The following DNAJC11 variants were observed in gnomAD, a reference collection of about 807,000 sequenced individuals.
The protein encoded by DNAJC11 is DnaJ heat shock protein family (Hsp40) member C11.
Under a neutral mutation model 78.6 loss-of-function variants are expected in DNAJC11, and 15 were observed. The observed-to-expected ratio is 0.19, with a 90% CI of 0.13 to 0.29. The LOEUF (loss-of-function observed/expected upper bound fraction) is 0.29, where lower values mean the gene tolerates loss of function less well. DNAJC11 is among the 10% of genes least tolerant of loss of function. The probability of loss-of-function intolerance (pLI) is 1.00; values close to 1 mark genes in which losing one functional copy is unlikely to be tolerated. For missense variants in DNAJC11, 547 were observed against 709.6 expected (o/e 0.77, Z 2.60); for synonymous variants, 292 against 272.1 (o/e 1.07, Z -0.72).
intron 4 of DNAJC11, among the ~76,000 whole-genome samples, chr1:6,657,402 C>T (rs1642142827): frequency 6.6e-6 from 1 of 152,224 alleles, no homozygotes; most frequent in South Asian, 2.1e-4. Context: ...CCACTGCTGA[C>T]ATGCAGACCA....
intron 4 of DNAJC11, chr1:6,654,375 C>T (rs1642098690): frequency 5.7e-6 from 1 of 174,746 alleles, no homozygotes. Flanking sequence ...AAACAGGACC[C>T]AAGAATGCAC....
chr1:6,635,639 T>C lies in DNAJC11; in HGVS notation c.*36A>G. ...AATTTGTAGACTCCCAGGAAAAGAT[T>C]TTTTGCGGCCTTTTAAAAATCTGGT... On this transcript the variant is annotated 3_prime_UTR_variant, in exon 16 of 16. Coordinates refer to ENST00000377577, the MANE Select transcript of DNAJC11 (RefSeq NM_018198.4). 6.2e-7 allele frequency: 1 copy of C among 1,612,230 alleles called. No homozygotes were observed. The highest frequency in any genetic ancestry group is 8.5e-7 in the Non-Finnish European group (1 of 1,179,166).
At chr1:6,655,249 C>A (rs964609040) in intron 4 of DNAJC11, among the ~76,000 whole-genome samples, 1 of 152,056 alleles carries the variant, frequency 6.6e-6, no homozygotes, top group Non-Finnish European at 1.5e-5. Flanking sequence ...TTTGTTTTTG[C>A]GGTGATATTC....
chr1:6,701,316 G>C (rs1642923884), intron 1 of DNAJC11, among the ~76,000 whole-genome samples: 1 of 152,190 alleles, frequency 6.6e-6, no homozygotes, highest in African/African-American at 2.4e-5. Context: ...GTGAGACTCA[G>C]TTCGCCATCC....
Position 6,654,042 on chromosome 1 carries a change from G to A in DNAJC11, c.379-3C>T. The A allele has an allele frequency of 6.2e-7, 1 of 1,611,892 alleles. No individual in the cohort carries two copies. Among genetic ancestry groups the A allele is most frequent in the Non-Finnish European group, 8.5e-7 (1 of 1,178,366 alleles). On this transcript the variant is annotated splice_polypyrimidine_tract_variant and splice_region_variant and intron_variant, in intron 4 of 15. Coordinates refer to ENST00000377577, the MANE Select transcript of DNAJC11 (RefSeq NM_018198.4). Reference sequence around the variant, plus strand: ...TCTACTCCAACGCTGATCGTTCCCTGGGGCAGAAAAACAAGCCGTCAGCAG... The same window carrying A: ...TCTACTCCAACGCTGATCGTTCCCTAGGGCAGAAAAACAAGCCGTCAGCAG...
rs1557461906 is a variant in DNAJC11 at position 6,635,109 on chromosome 1, C to T, written c.*566G>A. The T allele has an allele frequency of 5.7e-6, 1 of 175,302 alleles. No individual in the cohort carries two copies. Among genetic ancestry groups the T allele is most frequent in the East Asian group, 1.5e-4 (1 of 6,860 alleles). 10.9% of individuals were successfully genotyped at this position (175,302 alleles called of 1,614,324 possible). A position where few individuals can be genotyped will look rare whatever the true frequency, so the allele number is the denominator to read the frequency against. On this transcript the variant is annotated 3_prime_UTR_variant, in exon 16 of 16. Transcript: ENST00000377577. ...GGAAAAAAGACGACTAATTTCCAAACCCGTTTGTTCTCAGATAAAAAGCAG... is the reference window on the plus strand; with the variant it reads ...GGAAAAAAGACGACTAATTTCCAAATCCGTTTGTTCTCAGATAAAAAGCAG...
chr1:6,638,229 C>A, intron 12 of DNAJC11, 66 bp downstream of exon 12: 1 of 1,513,488 alleles, frequency 6.6e-7, no homozygotes, highest in East Asian at 2.4e-5. Context: ...GGCCCTGAGA[C>A]CAACATGTGG....
At chr1:6,650,795 C>T (rs1026591511) in intron 7 of DNAJC11, among the ~76,000 whole-genome samples, 4 of 152,138 alleles carry the variant, frequency 2.6e-5, no homozygotes, top group East Asian at 1.9e-4. Flanking sequence ...ATAGCTTGAA[C>T]CCAGGAGGCA....
chr1:6,697,673 A>G (rs1642859233), intron 1 of DNAJC11, among the ~76,000 whole-genome samples: 2 of 152,196 alleles, frequency 1.3e-5, no homozygotes, highest in African/African-American at 4.8e-5. Context: ...GTCCATGGCC[A>G]GGGGGTTGAG....
rs1159510456 is a variant in DNAJC11 at position 6,653,628 on chromosome 1, C to A, written c.507+283G>T. Reference sequence around the variant, plus strand: ...TGCTTTCTCTCCCAGAACCCCATGACCTTGGGCCTCTACTTCTCCCAGACC... The same window carrying A: ...TGCTTTCTCTCCCAGAACCCCATGAACTTGGGCCTCTACTTCTCCCAGACC... On this transcript the variant is annotated intron_variant, in intron 5 of 15. Transcript: ENST00000377577. This position sits in a 1 kb window ranked among gnomAD's most constrained non-coding sequence, Gnocchi z 4.5. Among the ~76,000 whole-genome samples, 1 of 152,172 alleles carries A rather than the reference C, an allele frequency of 6.6e-6. No individual in the cohort carries two copies. The highest frequency in any genetic ancestry group is 1.9e-4 in the East Asian group (1 of 5,200).
intron 3 of DNAJC11, among the ~76,000 whole-genome samples, chr1:6,671,229 T>C (rs1457910658): frequency 6.6e-6 from 1 of 152,194 alleles, no homozygotes; most frequent in African/African-American, 2.4e-5. Context: ...ATTTATTTAT[T>C]TGAGACAGAG....
chr1:6,656,345 G>A (rs542742696), intron 4 of DNAJC11, among the ~76,000 whole-genome samples: 5 of 151,866 alleles, frequency 3.3e-5, no homozygotes, highest in Middle Eastern at 3.4e-3. Context: ...GAATGAAATG[G>A]AATTGAAAAG....
In DNAJC11 at chr1:6,667,810, C is replaced by T. The variant is rs1362999671; in HGVS notation, c.277G>A (p.Val93Ile). The T allele has an allele frequency of 9.3e-6, 15 of 1,613,596 alleles. No homozygotes were observed. Among genetic ancestry groups the T allele is most frequent in the African/African-American group, 1.3e-5 (1 of 75,036 alleles). The part of the protein sequence containing the change: ...KRGLEMEGWE[V>I]VERRRTPAEI... ...GCAGGGGTTCTCCTCCTTTCCACAA[C>T]CTATGCACAGAATCAAGATGGGAAG... Residue 93 changes from valine to isoleucine, a missense_variant and splice_region_variant, in exon 4 of 16, where the codon GTT (valine) becomes ATT (isoleucine). Val to Ile is a conservative substitution (Grantham distance 29, BLOSUM62 3). Coordinates refer to ENST00000377577, the MANE Select transcript of DNAJC11 (RefSeq NM_018198.4).
At chr1:6,701,688 G>C in intron 1 of DNAJC11, 41 bp downstream of exon 1, 2 of 1,499,658 alleles carry the variant, frequency 1.3e-6, no homozygotes, top group Non-Finnish European at 1.8e-6. Flanking sequence ...GAACGACCGG[G>C]CTCGGCCTCA....
At chr1:6,682,384 C>G (rs1642568338) in intron 1 of DNAJC11, among the ~76,000 whole-genome samples, 1 of 152,014 alleles carries the variant, frequency 6.6e-6, no homozygotes. Context: ...ATCAGGGGTT[C>G]TAAACAAGGA....
chr1:6,670,103 G>A (rs916339359), intron 3 of DNAJC11, among the ~76,000 whole-genome samples: 3 of 151,934 alleles, frequency 2.0e-5, no homozygotes, highest in Admixed American at 6.6e-5. Context: ...ACAGGTGTGC[G>A]GCACCACGCC....
chr1:6,648,471 T>C (rs1056784553), intron 7 of DNAJC11, among the ~76,000 whole-genome samples: 2 of 151,908 alleles, frequency 1.3e-5, no homozygotes, highest in African/African-American at 4.8e-5. Context: ...TTCTTTTTTC[T>C]TTTGAGAGAG....
intron 12 of DNAJC11, chr1:6,637,878 C>G (rs934331610): frequency 9.6e-6 from 4 of 415,766 alleles, no homozygotes; most frequent in Admixed American, 4.0e-5. Flanking sequence ...CCCAGCTCCT[C>G]TTGAGAAAGG....
intron 2 of DNAJC11, among the ~76,000 whole-genome samples, chr1:6,678,965 A>G (rs192748191): frequency 1.1e-4 from 16 of 152,284 alleles, no homozygotes; most frequent in African/African-American, 3.6e-4. Context: ...GGATATGTTT[A>G]AAGGCGGCTA....
Sources: allele counts gnomAD v4.1 joint callset (sites outside exome capture counted in the v4.1 genomes callset), GRCh38; gene constraint gnomAD v4.1.1; non-coding constraint Gnocchi (gnomAD v3.1); transcripts MANE v1.5; gene names NCBI Gene and HGNC (gene_info 2026-07-23, HGNC 2026-07-21).